WDPCP: variants seen among roughly 807,000 people sequenced by gnomAD.
WDPCP encodes the protein WD repeat containing planar cell polarity effector.
Under a neutral mutation model 93.1 loss-of-function variants are expected in WDPCP, and 71 were observed. The ratio of observed to expected loss-of-function variants is 0.76; its 90% CI spans 0.63 to 0.93. The LOEUF (loss-of-function observed/expected upper bound fraction) is 0.93, where lower values mean the gene tolerates loss of function less well. Ranked by LOEUF, WDPCP falls within the 40% of genes least tolerant of loss-of-function variation. WDPCP has a pLI of 0.00. For synonymous variants in WDPCP, 315 were observed against 315.0 expected (o/e 1.00, Z 0.00); for missense variants, 844 against 887.4 (o/e 0.95, Z 0.62).
In WDPCP at chr2:63,756,009, A is replaced by T. The variant is rs996260768; in HGVS notation, n.308+57613T>A. Among the ~76,000 whole-genome samples, 3 of 152,368 alleles carry T rather than the reference A, an allele frequency of 2.0e-5. No individual in the cohort carries two copies. The East Asian group carries it at 5.8e-4, about 29-fold the overall frequency. On this transcript the variant is annotated intron_variant and non_coding_transcript_variant, in intron 2 of 4. Coordinates refer to the WDPCP transcript ENST00000467687. ...AGAAGATTAAATATTGAACCAAAAG[A>T]TTTTTTAATTAGTTTTGCTTAATGA...
chr2:63,278,130 A>C (rs1211793388), intron 13 of WDPCP, among the ~76,000 whole-genome samples: 3 of 152,254 alleles, frequency 2.0e-5, no homozygotes, highest in African/African-American at 7.2e-5. Context: ...ATGCAAATAC[A>C]TGGAAATTAA....
intron 2 of WDPCP, among the ~76,000 whole-genome samples, chr2:63,768,177 CTA>C (rs1411960731): frequency 2.6e-5 from 4 of 151,960 alleles, no homozygotes; most frequent in Non-Finnish European, 4.4e-5. Flanking sequence ...TTGAAAATGA[CTA>C]TGCTTTTTTC....
chr2:63,527,494 T>C (rs1255308240), intron 1 of WDPCP, among the ~76,000 whole-genome samples: 6 of 151,848 alleles, frequency 4.0e-5, no homozygotes, highest in Non-Finnish European at 7.4e-5. Flanking sequence ...CTTGCGATAG[T>C]TTGCTCAGAA....
chr2:63,823,755 A>G (rs1671065735), intron 1 of WDPCP, among the ~76,000 whole-genome samples: 2 of 152,216 alleles, frequency 1.3e-5, no homozygotes, highest in Admixed American at 6.5e-5. Flanking sequence ...GTTATACTCA[A>G]TGGAATCTTT....
intron 12 of WDPCP, among the ~76,000 whole-genome samples, chr2:63,377,342 C>G (rs1187152843): frequency 6.6e-6 from 1 of 151,440 alleles, no homozygotes. Context: ...AGTCTAAAAT[C>G]AACTCCTTGA....
At chr2:63,629,178 C>A (rs1709840851) in intron 3 of WDPCP, among the ~76,000 whole-genome samples, 1 of 152,212 alleles carries the variant, frequency 6.6e-6, no homozygotes, top group Non-Finnish European at 1.5e-5. Flanking sequence ...TAAGTCTGCT[C>A]TCTCTAGCCA....
At chr2:63,201,631 G>C (rs776631556) in intron 14 of WDPCP, among the ~76,000 whole-genome samples, 2 of 152,088 alleles carry the variant, frequency 1.3e-5, no homozygotes, top group Non-Finnish European at 2.9e-5. Context: ...TTACAGGTTA[G>C]GTAGAATTTC....
intron 13 of WDPCP, among the ~76,000 whole-genome samples, chr2:63,269,544 G>T (rs1682451145): frequency 6.6e-6 from 1 of 152,044 alleles, no homozygotes; most frequent in Non-Finnish European, 1.5e-5. Context: ...AGCAAAAAAA[G>T]CATTTAAAGC....
intron 13 of WDPCP, among the ~76,000 whole-genome samples, chr2:63,272,738 C>T (rs1421228327): frequency 2.0e-5 from 3 of 152,134 alleles, no homozygotes; most frequent in African/African-American, 7.2e-5. Context: ...AATCTAAGAA[C>T]TGGAAGACAG....
intron 13 of WDPCP, among the ~76,000 whole-genome samples, chr2:63,287,937 G>A (rs1684128971): frequency 6.6e-6 from 1 of 152,164 alleles, no homozygotes; most frequent in Admixed American, 6.5e-5. Flanking sequence ...GGTAAGTCTT[G>A]TTTCAGAAGT....
At chr2:63,671,556 C>T (rs1352019616) in intron 2 of WDPCP, among the ~76,000 whole-genome samples, 1 of 151,074 alleles carries the variant, frequency 6.6e-6, no homozygotes, top group Admixed American at 6.6e-5. Flanking sequence ...TAACCTTTGC[C>T]TTTTTTTTTG....
chr2:63,544,614 G>A (rs1021196027), intron 1 of WDPCP, among the ~76,000 whole-genome samples: 5 of 152,080 alleles, frequency 3.3e-5, no homozygotes, highest in Non-Finnish European at 7.4e-5. Context: ...CGATAATGGT[G>A]TATATCTCCT....
At chr2:63,569,180 C>T (rs369834595) in intron 1 of WDPCP, among the ~76,000 whole-genome samples, 4 of 152,100 alleles carry the variant, frequency 2.6e-5, no homozygotes, top group South Asian at 2.1e-4. Context: ...TGCAGAAAAA[C>T]GCTAATTTCT....
intron 6 of WDPCP, among the ~76,000 whole-genome samples, chr2:63,479,138 G>A (rs1002799780): frequency 2.0e-5 from 3 of 151,894 alleles, no homozygotes; most frequent in African/African-American, 7.3e-5. Context: ...ATTAAACCAG[G>A]AAGAAATAGA....
At chr2:63,533,040 A>G in intron 1 of WDPCP, among the ~76,000 whole-genome samples, 1 of 152,204 alleles carries the variant, frequency 6.6e-6, no homozygotes, top group Non-Finnish European at 1.5e-5. Flanking sequence ...GGAAAACAAA[A>G]AAAAGCAGGG....
At chr2:63,216,636 C>G (rs1461722044) in intron 14 of WDPCP, among the ~76,000 whole-genome samples, 3 of 151,356 alleles carry the variant, frequency 2.0e-5, no homozygotes, top group African/African-American at 7.3e-5. Flanking sequence ...TGCAGCACAC[C>G]AACATGGCAC....
chr2:63,139,085 A>C (rs1316362926), intron 17 of WDPCP, among the ~76,000 whole-genome samples: 2 of 152,100 alleles, frequency 1.3e-5, no homozygotes, highest in Non-Finnish European at 2.9e-5. Context: ...ATGTGTGTGT[A>C]TATATATACG....
intron 1 of WDPCP, among the ~76,000 whole-genome samples, chr2:63,547,904 T>C (rs1057470631): frequency 2.6e-5 from 4 of 152,222 alleles, no homozygotes; most frequent in African/African-American, 9.6e-5. Context: ...CAGTAATCTA[T>C]TACACATTTC....
chr2:63,585,578 G>T (rs1331892692), intron 1 of WDPCP, among the ~76,000 whole-genome samples: 2 of 151,748 alleles, frequency 1.3e-5, no homozygotes, highest in Admixed American at 6.6e-5. Flanking sequence ...TGATCCTATG[G>T]TAAAGTACAT....
Sources: gnomAD v4.1 joint callset for allele counts (sites outside exome capture counted in the v4.1 genomes callset) on GRCh38, gnomAD v4.1.1 for gene constraint, MANE v1.5 for transcripts, NCBI Gene and HGNC (gene_info 2026-07-23, HGNC 2026-07-21) for gene names.